Variants in FAM107B observed in about 807,000 individuals in gnomAD.
FAM107B encodes the protein family with sequence similarity 107 member B.
A neutral mutation model predicts 31.5 loss-of-function variants in FAM107B; 21 were observed. The ratio of observed to expected loss-of-function variants is 0.67; its 90% CI spans 0.47 to 0.96. The LOEUF (loss-of-function observed/expected upper bound fraction) is 0.96. FAM107B is among the 40% of genes least tolerant of loss of function. The pLI is 0.00. For missense variants in FAM107B, 452 were observed against 377.1 expected (o/e 1.20, Z -1.64); for synonymous variants, 157 against 141.5 (o/e 1.11, Z -0.78).
intron 1 of FAM107B, among the ~76,000 whole-genome samples, chr10:14,740,489 G>A (rs1028895202): frequency 6.6e-6 from 1 of 152,176 alleles, no homozygotes; most frequent in African/African-American, 2.4e-5. Context: ...AGATTTTAGG[G>A]CAGTGAAACT....
intron 1 of FAM107B, among the ~76,000 whole-genome samples, chr10:14,696,262 C>T (rs991345307): frequency 5.3e-5 from 8 of 152,174 alleles, no homozygotes; most frequent in East Asian, 3.8e-4. Flanking sequence ...CTTTTAATCT[C>T]GCATTCTGTT....
intron 2 of FAM107B, among the ~76,000 whole-genome samples, chr10:14,564,856 A>G (rs1180793057): frequency 2.0e-5 from 3 of 152,202 alleles, no homozygotes; most frequent in Admixed American, 1.3e-4. Context: ...CTACTATACC[A>G]TTGTCCTACT....
chr10:14,591,293 T>C (rs11259208), intron 2 of FAM107B, among the ~76,000 whole-genome samples: 43,706 of 152,090 alleles, frequency 0.29, 7,080 homozygotes, highest in Non-Finnish European at 0.36. Context: ...AGTTAGCACA[T>C]ATGCACAGAA....
intron 1 of FAM107B, among the ~76,000 whole-genome samples, chr10:14,754,605 G>C (rs2131585033): frequency 6.6e-6 from 1 of 152,304 alleles, no homozygotes; most frequent in Non-Finnish European, 1.5e-5. Flanking sequence ...CTTCTAAAGG[G>C]AGCTGACATC....
rs1055301527 is a variant in FAM107B at position 14,619,000 on chromosome 10, T to G, written c.469+48634A>C. On this transcript the variant is annotated intron_variant, in intron 2 of 4. Transcript: ENST00000181796. ...ACAACAGGGGCAGAGATTGGAGTGA[T>G]GTATCAATAAGCTAAAGGGTGCCAA... 2.0e-5 allele frequency among the ~76,000 whole-genome samples: 3 copies of G among 152,062 alleles called. No homozygotes were observed. In the South Asian group the frequency reaches 6.2e-4, roughly 32 times the overall value.
intron 2 of FAM107B, among the ~76,000 whole-genome samples, chr10:14,664,289 T>A (rs1194489309): frequency 6.6e-6 from 1 of 152,264 alleles, no homozygotes; most frequent in Non-Finnish European, 1.5e-5. Flanking sequence ...ACCATTTCTC[T>A]ATAACTCACA....
chr10:14,622,795 T>C, intron 2 of FAM107B, among the ~76,000 whole-genome samples: 1 of 152,238 alleles, frequency 6.6e-6, no homozygotes, highest in East Asian at 1.9e-4. Flanking sequence ...TGTTGAGCAT[T>C]TGTGTCCCAG....
intron 2 of FAM107B, among the ~76,000 whole-genome samples, chr10:14,582,269 C>G (rs1370274778): frequency 6.6e-6 from 1 of 152,074 alleles, no homozygotes; most frequent in African/African-American, 2.4e-5. Context: ...TAAACTGTGA[C>G]CACACCTCTG....
intron 1 of FAM107B, among the ~76,000 whole-genome samples, chr10:14,739,574 T>C (rs1856388048): frequency 1.3e-5 from 2 of 151,390 alleles, no homozygotes; most frequent in African/African-American, 4.9e-5. Flanking sequence ...GACTTGGGCC[T>C]GACCAATTAT....
intron 2 of FAM107B, among the ~76,000 whole-genome samples, chr10:14,532,298 C>G (rs1588493689): frequency 6.6e-6 from 1 of 152,070 alleles, no homozygotes; most frequent in African/African-American, 2.4e-5. Flanking sequence ...TATGACCCTG[C>G]CCCCAGCACC....
intron 2 of FAM107B, among the ~76,000 whole-genome samples, chr10:14,599,398 T>G (rs546297775): frequency 1.3e-5 from 2 of 152,274 alleles, no homozygotes; most frequent in African/African-American, 4.8e-5. Flanking sequence ...CCCCAAGACT[T>G]TGCTGTGTGG....
chr10:14,599,360 C>T (rs11259213), intron 2 of FAM107B, among the ~76,000 whole-genome samples: 61,664 of 151,988 alleles, frequency 0.41, 14,103 homozygotes, highest in Middle Eastern at 0.5. Context: ...GCTGTTCTTA[C>T]ACCCCAGTCT....
At chr10:14,614,888 G>A (rs7896081) in intron 2 of FAM107B, among the ~76,000 whole-genome samples, 150,625 of 152,114 alleles carry the variant, frequency 0.99, 74,599 homozygotes, top group Middle Eastern at 1. Context: ...AGCAGCAGGG[G>A]TGAAGACCTG....
At chr10:14,692,013 A>G (rs2131510698) in intron 1 of FAM107B, among the ~76,000 whole-genome samples, 1 of 152,108 alleles carries the variant, frequency 6.6e-6, no homozygotes, top group South Asian at 2.1e-4. Flanking sequence ...GGAATAGACA[A>G]TCCTTGACCA....
chr10:14,557,529 T>A lies in FAM107B; in HGVS notation c.470-27014A>T, dbSNP rs541244564. ...GTTGGGTCTGTGCTCTACTGTAATG[T>A]CTTGATTAAAATGGGATTCTTTGTC... On this transcript the variant is annotated intron_variant, in intron 2 of 4. Coordinates refer to ENST00000181796, the MANE Select transcript of FAM107B (RefSeq NM_031453.4). Among the ~76,000 whole-genome samples the A allele has an allele frequency of 2.0e-5, 3 of 152,270 alleles. No individual in the cohort carries two copies. The East Asian group carries it at 5.8e-4, about 30-fold the overall frequency.
At chr10:14,668,807 T>C (rs926838973) in intron 1 of FAM107B, among the ~76,000 whole-genome samples, 2 of 152,164 alleles carry the variant, frequency 1.3e-5, no homozygotes, top group African/African-American at 4.8e-5. Flanking sequence ...CTTCCTAGCC[T>C]GGCAGGAAGG....
At chr10:14,681,739 AG>A (rs1854841063) in intron 1 of FAM107B, among the ~76,000 whole-genome samples, 2 of 152,172 alleles carry the variant, frequency 1.3e-5, no homozygotes, top group African/African-American at 4.8e-5. Context: ...AATGTAAAGA[AG>A]GCTGTGTCCA....
intron 2 of FAM107B, among the ~76,000 whole-genome samples, chr10:14,578,861 A>G (rs1851544689): frequency 1.3e-5 from 2 of 152,238 alleles, no homozygotes; most frequent in Admixed American, 1.3e-4. Flanking sequence ...GCCGCAAGTT[A>G]GCTCACCTGT....
At chr10:14,723,966 A>C in intron 1 of FAM107B, 2 of 749,812 alleles carry the variant, frequency 2.7e-6, no homozygotes, top group Non-Finnish European at 4.9e-6. Flanking sequence ...TTTGGAAGTC[A>C]AGGTTAGTGT....
Sources: gnomAD v4.1 joint callset for allele counts (sites outside exome capture counted in the v4.1 genomes callset) on GRCh38, gnomAD v4.1.1 for gene constraint, MANE v1.5 for transcripts, NCBI Gene and HGNC (gene_info 2026-07-23, HGNC 2026-07-21) for gene names.